The following FAM83F variants were observed in gnomAD, a reference collection of about 807,000 sequenced individuals.
FAM83F encodes scaffolding CK1 anchoring protein F.
A neutral mutation model predicts 42.9 loss-of-function variants in FAM83F; 45 were observed. That is an observed-to-expected ratio of 1.05 (90% CI 0.83 to 1.35). FAM83F has a LOEUF of 1.35. Among genes scored for constraint, FAM83F ranks in the 40% most tolerant of loss-of-function variants. The probability of loss-of-function intolerance (pLI) is 0.00; values close to 1 mark genes in which losing one functional copy is unlikely to be tolerated. For missense variants in FAM83F, 617 were observed against 695.9 expected, an observed-to-expected ratio of 0.89 and a Z score of 1.28; for synonymous variants, 306 against 298.3, an observed-to-expected ratio of 1.03 and a Z score of -0.27.
At chr22:40,020,101 G>A in intron 3 of FAM83F, 93 bp downstream of exon 3, 1 of 1,490,142 alleles carries the variant, frequency 6.7e-7, no homozygotes, top group Non-Finnish European at 9.0e-7. Flanking sequence ...GTCATCATGA[G>A]TGTGTAACAG....
intron 1 of FAM83F, among the ~76,000 whole-genome samples, chr22:39,998,426 G>C (rs901740450): frequency 6.6e-6 from 1 of 151,972 alleles, no homozygotes; most frequent in Non-Finnish European, 1.5e-5. Flanking sequence ...CGTGGCTGCC[G>C]TGCCTACAGT....
intron 1 of FAM83F, among the ~76,000 whole-genome samples, chr22:40,006,550 A>G (rs2067429895): frequency 6.6e-6 from 1 of 152,258 alleles, no homozygotes; most frequent in South Asian, 2.1e-4. Flanking sequence ...ACCTCAACAA[A>G]GAGCATTCCC....
intron 1 of FAM83F, among the ~76,000 whole-genome samples, chr22:40,000,001 GA>G (rs1209662077): frequency 2.0e-5 from 3 of 152,194 alleles, no homozygotes; most frequent in African/African-American, 7.2e-5. Context: ...GGGAACTTTG[GA>G]AAAGAGAGAC....
intron 1 of FAM83F, among the ~76,000 whole-genome samples, chr22:39,997,586 G>T (rs1208643476): frequency 6.6e-6 from 1 of 152,156 alleles, no homozygotes; most frequent in African/African-American, 2.4e-5. Context: ...GGCTGAATGT[G>T]CCTAATCTGG....
Position 40,021,167 on chromosome 22 carries a change from C to A in FAM83F, c.780-123C>A. On this transcript the variant is annotated intron_variant, in intron 3 of 4. Transcript: ENST00000333407. This position sits in a 1 kb window ranked among gnomAD's most constrained non-coding sequence, Gnocchi z 8.7. ...GGAGGGAATCAGTCCAGCGTGTGGC[C>A]CACAAGGAGCCGTACACCTGCAGCA... 8.6e-7 allele frequency: 1 copy of A among 1,163,530 alleles called. No homozygotes were observed. Among genetic ancestry groups the A allele is most frequent in the Non-Finnish European group, 1.2e-6 (1 of 858,926 alleles). 72.1% of individuals were successfully genotyped at this position (1,163,530 alleles called of 1,614,324 possible). A position where few individuals can be genotyped will look rare whatever the true frequency, so the allele number is the denominator to read the frequency against.
intron 1 of FAM83F, among the ~76,000 whole-genome samples, chr22:40,008,289 G>C (rs11704971): frequency 0.21 from 32,333 of 152,208 alleles, 4,381 homozygotes; most frequent in Non-Finnish European, 0.31. Flanking sequence ...AGCTCAGCGG[G>C]CCCCCCATGG....
chr22:40,004,289 T>TTTTATTTTATTTTATTTTATTTTATTTTA (rs1569229916), intron 1 of FAM83F, among the ~76,000 whole-genome samples: 1 of 149,722 alleles, frequency 6.7e-6, no homozygotes, highest in East Asian at 1.9e-4. Flanking sequence ...TTTTATTTTA[T>TTTTATTTTATTTTATTTTATTTTATTTTA]TTTATTTTAT....
chr22:40,010,406 C>T (rs953455754), intron 1 of FAM83F, among the ~76,000 whole-genome samples: 1 of 152,150 alleles, frequency 6.6e-6, no homozygotes, highest in African/African-American at 2.4e-5. Flanking sequence ...ATCACTTCTC[C>T]ACAACTAGAT....
intron 4 of FAM83F, among the ~76,000 whole-genome samples, chr22:40,025,136 G>A (rs377028981): frequency 6.6e-6 from 1 of 152,328 alleles, no homozygotes; most frequent in Non-Finnish European, 1.5e-5. Flanking sequence ...AACATGCAAC[G>A]AGGCCAGGCG....
At chr22:40,003,695 CAG>C (rs1380977335) in intron 1 of FAM83F, among the ~76,000 whole-genome samples, 3 of 152,156 alleles carry the variant, frequency 2.0e-5, no homozygotes, top group African/African-American at 7.2e-5. Context: ...TCTCTGAAAT[CAG>C]AGTCTGTGGA....
At position 40,023,974 on chromosome 22, in the gene FAM83F, A is replaced by G. The variant is rs1199152514; in HGVS notation, c.1453+2011A>G. ...TCACGCACCTTTCCTCTCCCTCCCAAGGCCTGAGGGAGAAGCAGCAGCTCC... is the reference window on the plus strand; with the variant it reads ...TCACGCACCTTTCCTCTCCCTCCCAGGGCCTGAGGGAGAAGCAGCAGCTCC... On this transcript the variant is annotated intron_variant, in intron 4 of 4. Transcript: ENST00000333407. The surrounding 1 kb of genome is among the most constrained non-coding windows in gnomAD (Gnocchi z 4.1). 1.3e-5 allele frequency among the ~76,000 whole-genome samples: 2 copies of G among 151,962 alleles called. No homozygotes were observed. The highest frequency in any genetic ancestry group is 4.8e-5 in the African/African-American group (2 of 41,350).
At chr22:40,025,546 C>G (rs1314876799) in intron 4 of FAM83F, among the ~76,000 whole-genome samples, 1 of 152,050 alleles carries the variant, frequency 6.6e-6, no homozygotes, top group Non-Finnish European at 1.5e-5. Flanking sequence ...AACCCTGTCT[C>G]TACTGAAAAT....
intron 1 of FAM83F, among the ~76,000 whole-genome samples, chr22:40,018,720 T>C (rs1337459314): frequency 6.6e-6 from 1 of 152,040 alleles, no homozygotes; most frequent in Non-Finnish European, 1.5e-5. Flanking sequence ...GCCTCCCAAG[T>C]AGCTGGGATT....
At chr22:40,019,114 G>A in intron 1 of FAM83F, 54 bp from the exon 2 acceptor site, 1 of 1,597,204 alleles carries the variant, frequency 6.3e-7, no homozygotes, top group Non-Finnish European at 8.5e-7. Flanking sequence ...AGCAGGGCAT[G>A]CCTCTGTGGG....
rs372276185 is a variant in FAM83F at position 40,021,250 on chromosome 22, T to A, written c.780-40T>A. 1.7e-4 allele frequency: 252 copies of A among 1,508,898 alleles called. No individual in the cohort carries two copies. The highest frequency in any genetic ancestry group is 2.1e-4 in the Non-Finnish European group (233 of 1,126,398). 93.5% of individuals were successfully genotyped at this position (1,508,898 alleles called of 1,614,324 possible). ...GCGGGGGCAGGGCAAGAGAGAGGCCTGGGCACATGTGTCTTGCTTTTCTGT... is the reference window on the plus strand; with the variant it reads ...GCGGGGGCAGGGCAAGAGAGAGGCCAGGGCACATGTGTCTTGCTTTTCTGT... On this transcript the variant is annotated intron_variant, in intron 3 of 4. Transcript: ENST00000333407. The surrounding 1 kb of genome is among the most constrained non-coding windows in gnomAD (Gnocchi z 8.7).
chr22:39,995,669 C>G lies in FAM83F; in HGVS notation c.489+138C>G, dbSNP rs1052773516. The G allele has an allele frequency of 7.7e-5, 104 of 1,356,482 alleles. No individual in the cohort carries two copies. In the African/African-American group the frequency reaches 9.5e-4, roughly 12 times the overall value. 84.0% of individuals were successfully genotyped at this position (1,356,482 alleles called of 1,614,324 possible). ...AATGGGCCCCAACCCGCCCCTACTTCCTGGGGCTGCAGTGAGGCCTGTAGA... is the reference window on the plus strand; with the variant it reads ...AATGGGCCCCAACCCGCCCCTACTTGCTGGGGCTGCAGTGAGGCCTGTAGA... On this transcript the variant is annotated intron_variant, in intron 1 of 4. Coordinates refer to ENST00000333407, the MANE Select transcript of FAM83F (RefSeq NM_138435.4). This position sits in a 1 kb window ranked among gnomAD's most constrained non-coding sequence, Gnocchi z 4.6.
chr22:40,019,064 C>T (rs1236745466), intron 1 of FAM83F, 104 bp from the exon 2 acceptor site: 2 of 1,398,478 alleles, frequency 1.4e-6, no homozygotes, highest in Non-Finnish European at 2.0e-6. Flanking sequence ...GTTTTTGACT[C>T]TTGGCCACCA....
In FAM83F at chr22:40,038,996, A is replaced by G. The variant is rs867657920; in HGVS notation, c.*9431A>G. On this transcript the variant is annotated 3_prime_UTR_variant, in exon 5 of 5. Transcript: ENST00000333407. ...CTATGAGGACTGAATAAGCTCATAC[A>G]TATACAATGCTTGGAGCAGAGGCTG... 5.6e-4 allele frequency: 85 copies of G among 152,246 alleles called. No individual in the cohort carries two copies. Among genetic ancestry groups the G allele is most frequent in the African/African-American group, 2.0e-3 (83 of 41,454 alleles). 9.4% of individuals were successfully genotyped at this position (152,246 alleles called of 1,614,324 possible).
intron 1 of FAM83F, among the ~76,000 whole-genome samples, chr22:39,996,933 TA>T (rs1317217611): frequency 6.6e-6 from 1 of 152,198 alleles, no homozygotes; most frequent in Non-Finnish European, 1.5e-5. Context: ...CAGCTGGGGT[TA>T]GGGGTCAAGT....
Sources: allele counts gnomAD v4.1 joint callset (sites outside exome capture counted in the v4.1 genomes callset), GRCh38; gene constraint gnomAD v4.1.1; non-coding constraint Gnocchi (gnomAD v3.1); transcripts MANE v1.5; gene names NCBI Gene and HGNC (gene_info 2026-07-23, HGNC 2026-07-21).